Variants in CD300LG observed in about 807,000 individuals in gnomAD.
CD300LG encodes CMRF35-like molecule 9.
A neutral mutation model predicts 31.5 loss-of-function variants in CD300LG; 29 were observed. That is an observed-to-expected ratio of 0.92 (90% confidence interval 0.68 to 1.25). CD300LG has a LOEUF of 1.25. Among genes scored for constraint, CD300LG ranks in the 50% most tolerant of loss-of-function variants. The pLI is 0.00. For synonymous variants in CD300LG, 175 were observed against 177.2 expected, an observed-to-expected ratio of 0.99 and a Z score of 0.10; for missense variants, 396 against 417.6, an observed-to-expected ratio of 0.95 and a Z score of 0.45.
intron 2 of CD300LG, 38 bp from the exon 3 acceptor site, chr17:43,852,874 G>T (rs774625715): frequency 5.2e-6 from 7 of 1,351,830 alleles, no homozygotes; most frequent in Non-Finnish European, 7.3e-6. Context: ...GGTTCAGAGC[G>T]GTGCCACCCC....
chr17:43,858,452 C>T (rs2046586806), intron 6 of CD300LG: 10 of 985,350 alleles, frequency 1.0e-5, no homozygotes, highest in South Asian at 4.7e-5. Flanking sequence ...ATGCTACTGC[C>T]TTCTGGCAAC....
intron 4 of CD300LG, among the ~76,000 whole-genome samples, chr17:43,854,335 G>C (rs1389657578): frequency 6.6e-6 from 1 of 152,198 alleles, no homozygotes; most frequent in Non-Finnish European, 1.5e-5. Context: ...TGGGGCTTTT[G>C]CCTGTATACT....
rs764155836 is a variant in CD300LG at position 43,861,887 on chromosome 17, C to A, written c.975C>A (p.Gly325=). ...TCCACACATCTGAGGAGGAGCTGGG[C>A]TTCTCGAAGTTTGTCTCAGCGTAGG... is the stretch of plus-strand genomic sequence containing the variant. ...PPLHTSEEEL[G]FSKFVSA Residue 325 remains glycine (G), a synonymous_variant, in exon 7 of 7, where the codon GGC becomes GGA. Coordinates refer to ENST00000317310, the MANE Select transcript of CD300LG (RefSeq NM_145273.4). The A allele has an allele frequency of 2.7e-5, 43 of 1,611,232 alleles. No homozygotes were observed. The highest frequency in any genetic ancestry group is 3.6e-5 in the Non-Finnish European group (42 of 1,178,946).
Position 43,848,647 on chromosome 17 carries a change from G to A in CD300LG, c.133G>A (p.Asp45Asn). ...GTGCACCTACAGGGAAGAGCTGAGG[G>A]ACCACCGGAAGTACTGGTGCAGGAA... ...LQCTYREELR[D>N]HRKYWCRKGG... The change falls in exon 2 of 7, where the codon GAC becomes AAC. Residue 45 changes from aspartate (D) to asparagine (N), a missense_variant. Transcript: ENST00000317310. 6.2e-7 allele frequency: 1 copy of A among 1,614,140 alleles called. No individual in the cohort carries two copies. The highest frequency in any genetic ancestry group is 8.5e-7 in the Non-Finnish European group (1 of 1,180,022).
Position 43,861,208 on chromosome 17 carries a change from C to T in CD300LG, c.886-590C>T, listed in dbSNP as rs938542319. ...GGCCCATGGGGTCTCTCACCATCCC[C>T]GAGCCCTCTCCCAGCCTCTACACAG... On this transcript the variant is annotated intron_variant, in intron 6 of 6. Coordinates refer to ENST00000317310, the MANE Select transcript of CD300LG (RefSeq NM_145273.4). 5.7e-5 allele frequency: 56 copies of T among 985,218 alleles called. No individual in the cohort carries two copies. The African/African-American group carries it at 8.4e-4, about 15-fold the overall frequency. The allele number at this position is 985,218 out of a possible 1,614,324, so 61.0% of individuals were successfully genotyped here. A position where few individuals can be genotyped will look rare whatever the true frequency, so the allele number is the denominator to read the frequency against.
chr17:43,847,402 G>A, intron 1 of CD300LG, 143 bp downstream of exon 1: 1 of 753,356 alleles, frequency 1.3e-6, no homozygotes, highest in South Asian at 2.2e-5. Context: ...GCTGGGGGTG[G>A]GGGGAGGTGG....
intron 4 of CD300LG, among the ~76,000 whole-genome samples, chr17:43,854,690 G>C (rs2143365716): frequency 6.6e-6 from 1 of 152,180 alleles, no homozygotes; most frequent in East Asian, 1.9e-4. Context: ...ACAGGCCACC[G>C]GGAACTTCCC....
intron 3 of CD300LG, among the ~76,000 whole-genome samples, 200 bp downstream of exon 3, chr17:43,853,213 T>G (rs1445753242): frequency 6.6e-6 from 1 of 152,006 alleles, no homozygotes; most frequent in Non-Finnish European, 1.5e-5. Flanking sequence ...AAGTGCCAGA[T>G]CCCAGAAGTG....
At chr17:43,857,943 G>A in intron 6 of CD300LG, 1 of 1,531,456 alleles carries the variant, frequency 6.5e-7, no homozygotes, top group Non-Finnish European at 8.7e-7. Flanking sequence ...CCTGCCCCAA[G>A]GCTACTGCTG....
chr17:43,857,996 G>T, intron 6 of CD300LG: 1 of 1,482,450 alleles, frequency 6.7e-7, no homozygotes, highest in Non-Finnish European at 8.9e-7. Flanking sequence ...TCCAACGGAG[G>T]GGGCTGCAGC....
chr17:43,853,727 A>T (rs2046426368), intron 3 of CD300LG, 80 bp from the exon 4 acceptor site: 8 of 1,171,322 alleles, frequency 6.8e-6, no homozygotes, highest in Non-Finnish European at 1.0e-5. Context: ...GCTAGGGTTC[A>T]GGGGTCCAGG....
intron 6 of CD300LG, chr17:43,860,988 T>C (rs1400510193): frequency 3.2e-5 from 15 of 464,948 alleles, no homozygotes; most frequent in Non-Finnish European, 3.7e-5. Context: ...GGCAGAGGCA[T>C]CCAGGAGCTT....
At chr17:43,861,348 C>T in intron 6 of CD300LG, 3 of 925,096 alleles carry the variant, frequency 3.2e-6, no homozygotes, top group Non-Finnish European at 3.9e-6. Flanking sequence ...AGGCCTTTTC[C>T]TCAGCATCTG....
chr17:43,851,248 C>T (rs553934888), intron 2 of CD300LG, among the ~76,000 whole-genome samples: 12 of 150,714 alleles, frequency 8.0e-5, no homozygotes, highest in African/African-American at 2.9e-4. Context: ...CAAGAATAAA[C>T]TGACCTAGTG....
intron 1 of CD300LG, 134 bp downstream of exon 1, chr17:43,847,393 C>T (rs1240991523): frequency 1.8e-5 from 6 of 333,360 alleles, no homozygotes; most frequent in Non-Finnish European, 2.8e-5. Flanking sequence ...GCGGGGCGGG[C>T]TGGGGGTGGG....
rs199625877 is a variant in CD300LG, at chr17:43,855,335, C to T, written c.832+16C>T. The T allele has an allele frequency of 8.1e-5, 121 of 1,494,578 alleles. 2 individuals are homozygous for T. In the East Asian group the frequency reaches 1.5e-3, roughly 19 times the overall value. 92.6% of individuals were successfully genotyped at this position (1,494,578 alleles called of 1,614,324 possible). On this transcript the variant is annotated intron_variant, in intron 5 of 6. Transcript: ENST00000317310. ...AGAAAGGAAGGTGAGCAAAGGTGGGCGGCAGGAAGGCGGGAGGCTCACTGG... is the reference window on the plus strand; with the variant it reads ...AGAAAGGAAGGTGAGCAAAGGTGGGTGGCAGGAAGGCGGGAGGCTCACTGG...
intron 2 of CD300LG, among the ~76,000 whole-genome samples, chr17:43,850,522 G>A (rs2046318617): frequency 6.6e-6 from 1 of 152,034 alleles, no homozygotes; most frequent in African/African-American, 2.4e-5. Context: ...CCAGACGGGA[G>A]TGCAGTGACA....
At chr17:43,854,300 GC>G (rs2046449479) in intron 4 of CD300LG, among the ~76,000 whole-genome samples, 1 of 152,304 alleles carries the variant, frequency 6.6e-6, no homozygotes, top group African/African-American at 2.4e-5. Flanking sequence ...CCCTGCCCCA[GC>G]CTCAGGGACG....
In CD300LG at chr17:43,848,541, T is replaced by C; in HGVS notation, c.44-17T>C. On this transcript the variant is annotated splice_polypyrimidine_tract_variant and intron_variant, in intron 1 of 6. Transcript: ENST00000317310. ...GGAGCCTGGTTTTTCCAACCTCCAC[T>C]CCTGCTCTGATTTTAGGTTATGAAG... 6.2e-7 allele frequency: 1 copy of C among 1,605,346 alleles called. No individual in the cohort carries two copies. Among genetic ancestry groups the C allele is most frequent in the Non-Finnish European group, 8.5e-7 (1 of 1,173,968 alleles).
Sources: gnomAD v4.1 joint callset for allele counts (sites outside exome capture counted in the v4.1 genomes callset) on GRCh38, gnomAD v4.1.1 for gene constraint, MANE v1.5 for transcripts, NCBI Gene and HGNC (gene_info 2026-07-23, HGNC 2026-07-21) for gene names.